Variants in RBM44 observed in about 807,000 individuals in gnomAD.
RBM44 encodes the protein RNA-binding protein 44.
Under a neutral mutation model 105.1 loss-of-function variants are expected in RBM44, and 66 were observed. The ratio of observed to expected loss-of-function variants is 0.63; its 90% CI spans 0.52 to 0.77. The LOEUF is 0.77. Ranked by LOEUF, RBM44 falls within the 30% of genes least tolerant of loss-of-function variation. The probability of loss-of-function intolerance (pLI) is 0.00; values close to 1 mark genes in which losing one functional copy is unlikely to be tolerated. For synonymous variants in RBM44, 365 were observed against 417.6 expected (o/e 0.87, Z 1.54); for missense variants, 1,122 against 1,207.8 (o/e 0.93, Z 1.05).
chr2:237,833,139 C>A (rs1002705215), intron 13 of RBM44, among the ~76,000 whole-genome samples: 2 of 152,140 alleles, frequency 1.3e-5, no homozygotes, highest in African/African-American at 2.4e-5. Context: ...GTACACTATT[C>A]TAGGCACTGG....
chr2:237,830,148 C>G (rs768278764), intron 13 of RBM44, among the ~76,000 whole-genome samples: 3 of 152,160 alleles, frequency 2.0e-5, no homozygotes, highest in African/African-American at 7.2e-5. Context: ...GTTTCCTATT[C>G]TTAAAACTTG....
Position 237,818,596 on chromosome 2 carries a change from G to A in RBM44, c.1677G>A (p.Lys559=). 6.7e-7 allele frequency: 1 copy of A among 1,500,140 alleles called. No individual in the cohort carries two copies. The highest frequency in any genetic ancestry group is 8.9e-7 in the Non-Finnish European group (1 of 1,123,606). The allele number at this position is 1,500,140 out of a possible 1,614,324, so 92.9% of individuals were successfully genotyped here. ...SLKPNGNFLN[K]DFLELRKACG... is the part of the protein sequence containing the mutation. ...AACCTAATGGAAATTTTCTAAATAAGGTAAAATCAATATGAGTAATAATAA... is the reference window on the plus strand; with the variant it reads ...AACCTAATGGAAATTTTCTAAATAAAGTAAAATCAATATGAGTAATAATAA... The change falls in exon 3 of 16, where the codon AAG becomes AAA. Residue 559 remains lysine, a splice_region_variant and synonymous_variant. Transcript: ENST00000316997. This position sits in a 1 kb window ranked among gnomAD's most constrained non-coding sequence, Gnocchi z 4.6.
In RBM44 at chr2:237,818,558, G is replaced by T; in HGVS notation, c.1639G>T (p.Val547Phe). The stretch of plus-strand genomic sequence containing the variant: ...AAAAGGATCAGGAAAATCTCTCTCC[G>T]TTGACAGTTTAAAACCTAATGGAAA... Reference protein sequence around the residue: ...ITKGSGKSLSVDSLKPNGNFL... With the variant: ...ITKGSGKSLSFDSLKPNGNFL... The change falls in exon 3 of 16, where the codon GTT becomes TTT. Residue 547 changes from valine (V) to phenylalanine (F), a missense_variant. By Grantham distance (50) the Val-to-Phe change is conservative (BLOSUM62 -1). Around this residue, in one of 3 missense-constraint regions of RBM44, gnomAD observed 918 missense variants for 955.3 expected, o/e 0.96. Coordinates refer to ENST00000316997, the MANE Select transcript of RBM44 (RefSeq NM_001080504.3). This position sits in a 1 kb window ranked among gnomAD's most constrained non-coding sequence, Gnocchi z 4.6. 1.3e-6 allele frequency: 2 copies of T among 1,580,572 alleles called. No homozygotes were observed. The highest frequency in any genetic ancestry group is 1.7e-6 in the Non-Finnish European group (2 of 1,166,116).
intron 15 of RBM44, among the ~76,000 whole-genome samples, chr2:237,837,446 A>T (rs1000473507): frequency 1.1e-4 from 17 of 152,344 alleles, no homozygotes; most frequent in African/African-American, 3.8e-4. Context: ...AGGTAAAAAT[A>T]TCAATATTCA....
At chr2:237,815,393 T>C (rs535600424) in intron 2 of RBM44, among the ~76,000 whole-genome samples, 1 of 152,266 alleles carries the variant, frequency 6.6e-6, no homozygotes, top group South Asian at 2.1e-4. Context: ...CCTCCTCATT[T>C]TTCCCTTCTA....
At chr2:237,805,567 C>G (rs2061591213) in intron 1 of RBM44, among the ~76,000 whole-genome samples, 2 of 152,162 alleles carry the variant, frequency 1.3e-5, no homozygotes, top group South Asian at 4.1e-4. Flanking sequence ...ATAAATGGTG[C>G]TGGAATAACT....
chr2:237,806,670 A>G (rs927793988), intron 1 of RBM44, among the ~76,000 whole-genome samples: 8 of 152,350 alleles, frequency 5.3e-5, no homozygotes, highest in African/African-American at 1.9e-4. Flanking sequence ...AGTGTTCCTG[A>G]GAGAAGGGAG....
At chr2:237,799,012 C>A (rs2061515807) in intron 1 of RBM44, among the ~76,000 whole-genome samples, 151 bp downstream of exon 1, 1 of 152,014 alleles carries the variant, frequency 6.6e-6, no homozygotes, top group Non-Finnish European at 1.5e-5. Context: ...GGACTCCGAA[C>A]GGCGGTGTAG....
intron 13 of RBM44, among the ~76,000 whole-genome samples, 172 bp from the exon 14 acceptor site, chr2:237,833,825 A>T (rs1559922684): frequency 6.6e-6 from 1 of 152,212 alleles, no homozygotes; most frequent in Non-Finnish European, 1.5e-5. Context: ...TGGCCCTGAA[A>T]CACAGCTCAA....
chr2:237,819,410 C>G (rs986876681), intron 4 of RBM44, among the ~76,000 whole-genome samples: 11 of 151,960 alleles, frequency 7.2e-5, no homozygotes, highest in Non-Finnish European at 1.5e-4. Flanking sequence ...AGTGGAGAAC[C>G]AGGAAGTGGG....
At chr2:237,832,479 T>C (rs1286776333) in intron 13 of RBM44, among the ~76,000 whole-genome samples, 3 of 152,184 alleles carry the variant, frequency 2.0e-5, no homozygotes, top group Non-Finnish European at 4.4e-5. Flanking sequence ...AGACAGGAAA[T>C]TGAATTGATC....
Position 237,824,373 on chromosome 2 carries a change from G to A in RBM44, c.2403G>A (p.Gln801=), listed in dbSNP as rs4663795. 0.17 allele frequency: 269,888 copies of A among 1,611,606 alleles called. 26,242 individuals carry two copies. The highest frequency in any genetic ancestry group is 0.42 in the East Asian group (18,996 of 44,768). ...CAGGAGTTGACGTCTCAGGGACACA[G>A]GGAAATCAAGTAGAACAAGACACAT... The part of the protein sequence containing the change: ...SLTGVDVSGT[Q]GNQVEQDTWN... Residue 801 remains glutamine (Q), a synonymous_variant, in exon 10 of 16, where the codon CAG becomes CAA. Coordinates refer to ENST00000316997, the MANE Select transcript of RBM44 (RefSeq NM_001080504.3).
Position 237,818,536 on chromosome 2 carries a change from A to C in RBM44, c.1617A>C (p.Lys539Asn), listed in dbSNP as rs773475254. ...DCIDTQMAIT[K>N]GSGKSLSVDS... ...TAGATACACAGATGGCTATAACAAA[A>C]GGATCAGGAAAATCTCTCTCCGTTG... is the stretch of plus-strand genomic sequence containing the variant. Residue 539 changes from lysine to asparagine, a missense_variant, in exon 3 of 16, where the codon AAA (lysine) becomes AAC (asparagine). By Grantham distance (94) the Lys-to-Asn change is moderately conservative. Coordinates refer to ENST00000316997, the MANE Select transcript of RBM44 (RefSeq NM_001080504.3). This position sits in a 1 kb window ranked among gnomAD's most constrained non-coding sequence, Gnocchi z 4.6. 18 of 1,598,320 alleles carry C rather than the reference A, an allele frequency of 1.1e-5. No individual in the cohort carries two copies. In the South Asian group the frequency reaches 1.9e-4, roughly 17 times the overall value.
Position 237,820,272 on chromosome 2 carries a change from A to T in RBM44, c.1834A>T (p.Asn612Tyr), listed in dbSNP as rs2061770539. 6.2e-7 allele frequency: 1 copy of T among 1,603,236 alleles called. No homozygotes were observed. Among genetic ancestry groups the T allele is most frequent in the Non-Finnish European group, 8.5e-7 (1 of 1,173,636 alleles). The change falls in exon 5 of 16, where the codon AAT becomes TAT. Residue 612 changes from asparagine (N) to tyrosine (Y), a missense_variant. By Grantham distance (143) the Asn-to-Tyr change is moderately radical. Around this residue, in one of 3 missense-constraint regions of RBM44, gnomAD observed 918 missense variants for 955.3 expected, o/e 0.96. Coordinates refer to ENST00000316997, the MANE Select transcript of RBM44 (RefSeq NM_001080504.3). ...CATAAAAGCAGAGCTGCACCTTTTAAATGTTCACTATCAGATGTGTCGTCG... is the reference window on the plus strand; with the variant it reads ...CATAAAAGCAGAGCTGCACCTTTTATATGTTCACTATCAGATGTGTCGTCG... Reference protein sequence around the residue: ...RAIKAELHLLNVHYQMCRRHC... With the variant: ...RAIKAELHLLYVHYQMCRRHC...
At position 237,812,567 on chromosome 2, in the gene RBM44, G is replaced by T. The variant is rs1009353576; in HGVS notation, c.-18-1025G>T. On this transcript the variant is annotated intron_variant, in intron 1 of 15. Transcript: ENST00000316997. ...TAGAACAGAGACAGTACATTTAGAT[G>T]ATTTTTTTCAGGATCAGTGATTGAA... is the stretch of plus-strand genomic sequence containing the variant. Among the ~76,000 whole-genome samples the T allele has an allele frequency of 3.9e-5, 6 of 152,144 alleles. No individual in the cohort carries two copies. In the East Asian group the frequency reaches 1.2e-3, roughly 29 times the overall value.
At chr2:237,840,953 G>T (rs1255422197) in intron 15 of RBM44, among the ~76,000 whole-genome samples, 2 of 152,190 alleles carry the variant, frequency 1.3e-5, no homozygotes, top group African/African-American at 4.8e-5. Context: ...AAAAGGGAAT[G>T]CCTATGCACT....
In RBM44 at chr2:237,824,362, T is replaced by G. The variant is rs1272557921; in HGVS notation, c.2392T>G (p.Ser798Ala). 1 of 1,612,924 alleles carries G rather than the reference T, an allele frequency of 6.2e-7. No individual in the cohort carries two copies. The highest frequency in any genetic ancestry group is 8.5e-7 in the Non-Finnish European group (1 of 1,179,284). ...AGAGAGCCTGACAGGAGTTGACGTCTCAGGGACACAGGGAAATCAAGTAGA... is the reference window on the plus strand; with the variant it reads ...AGAGAGCCTGACAGGAGTTGACGTCGCAGGGACACAGGGAAATCAAGTAGA... ...AKESLTGVDV[S>A]GTQGNQVEQD... The change falls in exon 10 of 16, where the codon TCA becomes GCA. Residue 798 changes from serine to alanine, a missense_variant. Transcript: ENST00000316997.
At chr2:237,806,206 TAATG>T (rs1285217832) in intron 1 of RBM44, among the ~76,000 whole-genome samples, 1 of 152,210 alleles carries the variant, frequency 6.6e-6, no homozygotes, top group Non-Finnish European at 1.5e-5. Context: ...GATACCATAA[TAATG>T]TTCCTTTACT....
intron 1 of RBM44, among the ~76,000 whole-genome samples, chr2:237,808,543 G>T (rs2061622752): frequency 6.6e-6 from 1 of 151,674 alleles, no homozygotes; most frequent in South Asian, 2.1e-4. Context: ...TAGGAACTCA[G>T]TGGATGGGTT....
Sources: gnomAD v4.1 joint callset for allele counts (sites outside exome capture counted in the v4.1 genomes callset) on GRCh38, gnomAD v4.1.1 for gene constraint, gnomAD v4.1.1 regional missense constraint, Gnocchi (gnomAD v3.1) non-coding constraint, MANE v1.5 for transcripts, NCBI Gene and HGNC (gene_info 2026-07-23, HGNC 2026-07-21) for gene names.